Variants in DPP3 observed in about 807,000 individuals in gnomAD.
DPP3 encodes the protein DPP III.
DPP3 carries 64 observed loss-of-function variants against 89.8 expected under a neutral mutation model. The ratio of observed to expected loss-of-function variants is 0.71; its 90% CI spans 0.58 to 0.88. The LOEUF is 0.88. Ranked by LOEUF, DPP3 falls within the 40% of genes least tolerant of loss-of-function variation. The pLI is 0.00. For synonymous variants in DPP3, 377 were observed against 404.3 expected (o/e 0.93, Z 0.81); for missense variants, 835 against 972.5 (o/e 0.86, Z 1.88).
intron 12 of DPP3, among the ~76,000 whole-genome samples, chr11:66,495,001 G>T (rs922699810): frequency 6.6e-6 from 1 of 152,174 alleles, no homozygotes; most frequent in Non-Finnish European, 1.5e-5. Flanking sequence ...AGGTTCTCAG[G>T]CTCCCAATGG....
At chr11:66,494,336 C>T (rs536675652) in intron 12 of DPP3, among the ~76,000 whole-genome samples, 11 of 152,276 alleles carry the variant, frequency 7.2e-5, no homozygotes, top group African/African-American at 1.2e-4. Context: ...TCCTGCTTCT[C>T]GGGGTGTGGG....
chr11:66,496,794 G>A (rs1855551146), intron 15 of DPP3, among the ~76,000 whole-genome samples: 1 of 152,110 alleles, frequency 6.6e-6, no homozygotes, highest in Non-Finnish European at 1.5e-5. Flanking sequence ...CAGAAATGTG[G>A]GTCTGAGTCC....
chr11:66,482,552 AG>A (rs1344751156), intron 2 of DPP3, 82 bp downstream of exon 2: 10 of 1,552,216 alleles, frequency 6.4e-6, no homozygotes, highest in Non-Finnish European at 8.7e-6. Context: ...GTCTCTTTCA[AG>A]GGGTAGGTGG....
chr11:66,490,252 TC>T (rs1452407734), intron 6 of DPP3, among the ~76,000 whole-genome samples: 5 of 151,830 alleles, frequency 3.3e-5, no homozygotes, highest in African/African-American at 1.2e-4. Flanking sequence ...ATTTTATTGA[TC>T]AGAGACAACA....
intron 4 of DPP3, 113 bp downstream of exon 4, chr11:66,486,790 C>T (rs1855241770): frequency 7.8e-7 from 1 of 1,284,090 alleles, no homozygotes; most frequent in Admixed American, 3.0e-5. Flanking sequence ...CCTCACACTC[C>T]TGAGGCAATG....
chr11:66,493,750 G>A (rs1855459247), intron 12 of DPP3, 117 bp downstream of exon 12: 2 of 1,100,268 alleles, frequency 1.8e-6, no homozygotes, highest in African/African-American at 3.1e-5. Context: ...GGGTTGAGTG[G>A]GGAAAATGGC....
At chr11:66,502,146 C>G (rs887719624) in intron 16 of DPP3, among the ~76,000 whole-genome samples, 5 of 152,026 alleles carry the variant, frequency 3.3e-5, no homozygotes, top group Non-Finnish European at 5.9e-5. Context: ...GAGCCAAGAT[C>G]ACGCCACTGC....
Position 66,504,729 on chromosome 11 carries a change from A to T in DPP3, c.1996A>T (p.Lys666Ter). ...CCTCAGGGACACGGTGCTGCTGCGT[A>T]AGGAATCTCGGAAGCTCATTGTTCA... Reference protein sequence around the residue: ...LTLRDTVLLRKESRKLIVQPN... With the variant: ...LTLRDTVLLR Residue 666 changes from lysine to a stop codon, truncating the protein, a stop_gained, in exon 17 of 18, where the codon AAG becomes TAG. Transcript: ENST00000531863. LOFTEE classifies it high-confidence loss of function. 6.2e-7 allele frequency: 1 copy of T among 1,612,874 alleles called. No homozygotes were observed. The highest frequency in any genetic ancestry group is 2.2e-5 in the East Asian group (1 of 44,812).
At chr11:66,497,234 G>T in intron 15 of DPP3, 64 bp from the exon 16 acceptor site, 3 of 1,555,612 alleles carry the variant, frequency 1.9e-6, no homozygotes, top group Non-Finnish European at 2.6e-6. Flanking sequence ...CCAAGCCAAG[G>T]ACCAAGCCTA....
chr11:66,496,417 AT>A (rs1284238665), intron 15 of DPP3, among the ~76,000 whole-genome samples: 3 of 114,076 alleles, frequency 2.6e-5, no homozygotes, highest in African/African-American at 6.5e-5. Context: ...AATTTTTTGT[AT>A]TTTTTTTTTC....
At chr11:66,500,010 G>A (rs1313674827) in intron 16 of DPP3, among the ~76,000 whole-genome samples, 2 of 151,958 alleles carry the variant, frequency 1.3e-5, no homozygotes, top group Admixed American at 1.3e-4. Context: ...TATACGCCAT[G>A]GATATATGGG....
chr11:66,495,866 A>G (rs1590741318), intron 15 of DPP3, 116 bp downstream of exon 15: 23 of 1,475,694 alleles, frequency 1.6e-5, no homozygotes, highest in Non-Finnish European at 2.1e-5. Context: ...GTTTAATGCT[A>G]GACTCCACTG....
chr11:66,504,685 C>G lies in DPP3; in HGVS notation c.1952C>G (p.Pro651Arg). Residue 651 changes from proline (P) to arginine (R), a missense_variant, in exon 17 of 18, where the codon CCC (proline) becomes CGC (arginine). Physicochemically the swap from Pro to Arg is moderately radical, Grantham distance 103. Transcript: ENST00000531863. ...GGGTATGCAACAGTCACTGATGCGC[C>G]CCCCGAGTGCTTCCTCACCCTCAGG... Reference protein sequence around the residue: ...YEGYATVTDAPPECFLTLRDT... With the variant: ...YEGYATVTDARPECFLTLRDT... 8 of 1,613,358 alleles carry G rather than the reference C, an allele frequency of 5.0e-6. No homozygotes were observed. Among genetic ancestry groups the G allele is most frequent in the Non-Finnish European group, 6.8e-6 (8 of 1,179,876 alleles).
At chr11:66,502,016 CG>C (rs1855689653) in intron 16 of DPP3, among the ~76,000 whole-genome samples, 1 of 151,312 alleles carries the variant, frequency 6.6e-6, no homozygotes, top group African/African-American at 2.4e-5. Context: ...GCCAACATGG[CG>C]GCCCGTCTCT....
chr11:66,498,896 G>A (rs73503368), intron 16 of DPP3, among the ~76,000 whole-genome samples: 7,833 of 152,144 alleles, frequency 0.051, 228 homozygotes, highest in Middle Eastern at 0.11. Flanking sequence ...GCCTGTGGTC[G>A]CAGCCACACA....
At chr11:66,506,277 G>A (rs958283309) in intron 17 of DPP3, among the ~76,000 whole-genome samples, 2 of 147,362 alleles carry the variant, frequency 1.4e-5, no homozygotes, top group Admixed American at 1.4e-4. Flanking sequence ...TTTCTGAGAC[G>A]GAGTTTCCCT....
At chr11:66,508,928 G>C (rs1276461210) in intron 17 of DPP3, 151 bp from the exon 18 acceptor site, 9 of 934,336 alleles carry the variant, frequency 9.6e-6, no homozygotes, top group Non-Finnish European at 1.4e-5. Context: ...AGTAAATTAA[G>C]TAATTAACCT....
At chr11:66,484,788 T>C (rs947359530) in intron 2 of DPP3, among the ~76,000 whole-genome samples, 1 of 151,922 alleles carries the variant, frequency 6.6e-6, no homozygotes, top group African/African-American at 2.4e-5. Flanking sequence ...ATGTGATGCT[T>C]CCAAGGCCAG....
chr11:66,493,007 C>A, intron 10 of DPP3, 60 bp from the exon 11 acceptor site: 1 of 1,609,868 alleles, frequency 6.2e-7, no homozygotes, highest in South Asian at 1.1e-5. Context: ...TGCTCTGTGC[C>A]TCTTGTCTGT....
Sources: gnomAD v4.1 joint callset for allele counts (sites outside exome capture counted in the v4.1 genomes callset) on GRCh38, gnomAD v4.1.1 for gene constraint, MANE v1.5 for transcripts, NCBI Gene and HGNC (gene_info 2026-07-23, HGNC 2026-07-21) for gene names.